MARK1: variants seen among roughly 807,000 people sequenced by gnomAD.
MARK1 encodes the protein microtubule affinity regulating kinase 1, also known as serine/threonine-protein kinase MARK1.
A neutral mutation model predicts 96.3 loss-of-function variants in MARK1; 40 were observed. That is an observed-to-expected ratio of 0.42 (90% confidence interval 0.32 to 0.54). The LOEUF (loss-of-function observed/expected upper bound fraction) is 0.54, where lower values mean the gene tolerates loss of function less well. Among genes scored for constraint, MARK1 ranks in the 20% least tolerant of loss-of-function variants. The pLI is 0.16. For missense variants in MARK1, 719 were observed against 984.6 expected, an observed-to-expected ratio of 0.73 and a Z score of 3.61; for synonymous variants, 317 against 341.2, an observed-to-expected ratio of 0.93 and a Z score of 0.78.
Position 220,618,808 on chromosome 1 carries a change from G to C in MARK1, c.909+53G>C, listed in dbSNP as rs1489130950. The C allele has an allele frequency of 6.9e-7, 1 of 1,459,396 alleles. No individual in the cohort carries two copies. Among genetic ancestry groups the C allele is most frequent in the East Asian group, 2.4e-5 (1 of 41,344 alleles). 90.4% of individuals were successfully genotyped at this position (1,459,396 alleles called of 1,614,324 possible). ...AAATTTTAACAATTAAAATATTCCAGGAACCGAAGAGCATTTTTCTCCTAT... is the reference window on the plus strand; with the variant it reads ...AAATTTTAACAATTAAAATATTCCACGAACCGAAGAGCATTTTTCTCCTAT... On this transcript the variant is annotated intron_variant, in intron 9 of 17. Coordinates refer to ENST00000366917, the MANE Select transcript of MARK1 (RefSeq NM_018650.5). The surrounding 1 kb of genome is among the most constrained non-coding windows in gnomAD (Gnocchi z 4.6).
intron 1 of MARK1, among the ~76,000 whole-genome samples, chr1:220,534,504 T>C (rs1660547485): frequency 6.6e-6 from 1 of 152,118 alleles, no homozygotes; most frequent in Non-Finnish European, 1.5e-5. Flanking sequence ...ATGAGATCGC[T>C]TTTTTAACTC....
intron 4 of MARK1, among the ~76,000 whole-genome samples, chr1:220,599,002 T>C (rs548617155): frequency 6.6e-6 from 1 of 152,056 alleles, no homozygotes; most frequent in African/African-American, 2.4e-5. Context: ...TAAATAGATA[T>C]TGCAGGTCAT....
chr1:220,619,103 T>C (rs982505099), intron 9 of MARK1, among the ~76,000 whole-genome samples: 2 of 152,186 alleles, frequency 1.3e-5, no homozygotes, highest in African/African-American at 4.8e-5. Flanking sequence ...CAATAAATAT[T>C]TCAAGGATAA....
At chr1:220,594,958 A>G (rs535141598) in intron 3 of MARK1, among the ~76,000 whole-genome samples, 18 of 152,210 alleles carry the variant, frequency 1.2e-4, no homozygotes, top group Non-Finnish European at 2.5e-4. Flanking sequence ...GTCTAAACCC[A>G]TAGAATGTAT....
intron 9 of MARK1, among the ~76,000 whole-genome samples, chr1:220,629,352 CTTTT>C (rs77070158): frequency 3.0e-5 from 4 of 134,434 alleles, no homozygotes. Flanking sequence ...ACAAGATTGC[CTTTT>C]TTTTTTTTTT....
chr1:220,664,444 T>C lies in MARK1; in HGVS notation c.*2278T>C, dbSNP rs576057178. The C allele has an allele frequency of 9.2e-5, 14 of 152,236 alleles. No individual in the cohort carries two copies. The highest frequency in any genetic ancestry group is 2.4e-4 in the African/African-American group (10 of 41,488). The allele number at this position is 152,236 out of a possible 1,614,324, so 9.4% of individuals were successfully genotyped here. ...TTGATATGACATCCCTTATATTAAA[T>C]TAATTATTTTGTAGAAACTGGGGCA... On this transcript the variant is annotated 3_prime_UTR_variant, in exon 18 of 18. Coordinates refer to ENST00000366917, the MANE Select transcript of MARK1 (RefSeq NM_018650.5).
chr1:220,556,225 A>C (rs948687398), intron 1 of MARK1, among the ~76,000 whole-genome samples: 1 of 152,178 alleles, frequency 6.6e-6, no homozygotes, highest in Non-Finnish European at 1.5e-5. Flanking sequence ...GAAAGTTAGA[A>C]AAAACTCTGC....
chr1:220,624,311 A>G (rs1054724477), intron 9 of MARK1, among the ~76,000 whole-genome samples: 9 of 147,800 alleles, frequency 6.1e-5, no homozygotes, highest in African/African-American at 2.3e-4. Context: ...AAAAAAAAAA[A>G]AAAATAGGTT....
chr1:220,545,887 G>C (rs757884940), intron 1 of MARK1, among the ~76,000 whole-genome samples: 2 of 152,156 alleles, frequency 1.3e-5, no homozygotes, highest in Non-Finnish European at 2.9e-5. Flanking sequence ...ACTAGGCCTT[G>C]ACCTTGGCCC....
chr1:220,660,471 A>G (rs1268342498), intron 17 of MARK1, among the ~76,000 whole-genome samples: 2 of 152,190 alleles, frequency 1.3e-5, no homozygotes, highest in Non-Finnish European at 2.9e-5. Flanking sequence ...ATATCATACT[A>G]TTGATACAAA....
In MARK1 at chr1:220,662,210, G is replaced by C; in HGVS notation, c.*44G>C. ...GTTCAGGGAAGATACATACATATAT[G>C]AGGTACAGTTTTTGAATGTACTGGT... is the stretch of plus-strand genomic sequence containing the variant. On this transcript the variant is annotated 3_prime_UTR_variant, in exon 18 of 18. Transcript: ENST00000366917. 3 of 1,447,938 alleles carry C rather than the reference G, an allele frequency of 2.1e-6. No individual in the cohort carries two copies. The highest frequency in any genetic ancestry group is 2.8e-6 in the Non-Finnish European group (3 of 1,055,216). The allele number at this position is 1,447,938 out of a possible 1,614,324, so 89.7% of individuals were successfully genotyped here.
At chr1:220,631,233 T>C (rs1667665891) in intron 10 of MARK1, 99 bp downstream of exon 10, 1 of 615,848 alleles carries the variant, frequency 1.6e-6, no homozygotes, top group Admixed American at 3.3e-5. Flanking sequence ...TAGGAAGCAA[T>C]TTTTATTTGA....
chr1:220,622,492 T>A (rs1667100753), intron 9 of MARK1, among the ~76,000 whole-genome samples: 1 of 152,244 alleles, frequency 6.6e-6, no homozygotes, highest in Non-Finnish European at 1.5e-5. Flanking sequence ...CATAATTTTT[T>A]AATGAAAGAT....
chr1:220,532,263 A>G (rs909492717), intron 1 of MARK1, among the ~76,000 whole-genome samples: 1 of 152,208 alleles, frequency 6.6e-6, no homozygotes, highest in Non-Finnish European at 1.5e-5. Flanking sequence ...GGTTGCCATC[A>G]GTAGTTTGTC....
intron 1 of MARK1, among the ~76,000 whole-genome samples, chr1:220,574,827 C>A (rs1039536127): frequency 6.6e-6 from 1 of 152,072 alleles, no homozygotes; most frequent in Non-Finnish European, 1.5e-5. Context: ...ATTGCAATGA[C>A]CTGTATTGGT....
chr1:220,587,988 C>G (rs192298620), intron 3 of MARK1, among the ~76,000 whole-genome samples: 6 of 152,066 alleles, frequency 3.9e-5, no homozygotes, highest in African/African-American at 1.4e-4. Context: ...GTAGTTGTAC[C>G]GATTTTTACT....
intron 10 of MARK1, 22 bp downstream of exon 10, chr1:220,631,156 G>A: frequency 6.5e-7 from 1 of 1,540,336 alleles, no homozygotes; most frequent in Non-Finnish European, 9.0e-7. Flanking sequence ...AACATGGTAA[G>A]AAGTGCTGTC....
chr1:220,532,507 T>C (rs1295777501), intron 1 of MARK1, among the ~76,000 whole-genome samples: 3 of 152,136 alleles, frequency 2.0e-5, no homozygotes, highest in East Asian at 3.8e-4. Flanking sequence ...ATCATCAAAA[T>C]ATATTGGTGA....
chr1:220,615,420 A>G (rs1666684262), intron 6 of MARK1, among the ~76,000 whole-genome samples: 1 of 152,176 alleles, frequency 6.6e-6, no homozygotes, highest in East Asian at 1.9e-4. Flanking sequence ...TTCTCTTTAT[A>G]TATGAACAGA....
Sources: allele counts gnomAD v4.1 joint callset (sites outside exome capture counted in the v4.1 genomes callset), GRCh38; gene constraint gnomAD v4.1.1; non-coding constraint Gnocchi (gnomAD v3.1); transcripts MANE v1.5; gene names NCBI Gene and HGNC (gene_info 2026-07-23, HGNC 2026-07-21).